Variants in ALG1 observed in about 807,000 individuals in gnomAD.
ALG1 encodes chitobiosyldiphosphodolichol beta-mannosyltransferase.
In ALG1, 58 loss-of-function variants were observed where a neutral mutation model predicts 55.1. The ratio of observed to expected loss-of-function variants is 1.05; its 90% CI spans 0.85 to 1.31. The LOEUF (loss-of-function observed/expected upper bound fraction) is 1.31. ALG1 is among the 50% of genes most tolerant of loss of function. The pLI is 0.00. For synonymous variants in ALG1, 309 were observed against 247.0 expected (o/e 1.25, Z -2.35); for missense variants, 761 against 598.6 (o/e 1.27, Z -2.83).
rs1957055875 is a variant in ALG1, at chr16:5,083,592, C to T, written c.1188-90C>T. On this transcript the variant is annotated intron_variant, in intron 11 of 12. Coordinates refer to ENST00000262374, the MANE Select transcript of ALG1 (RefSeq NM_019109.5). ...GTTCCAACCCCCAGCCTGGCTTGAGCATGGGGTGTGTGGGGGAGCCCAGGT... is the reference window on the plus strand; with the variant it reads ...GTTCCAACCCCCAGCCTGGCTTGAGTATGGGGTGTGTGGGGGAGCCCAGGT... The T allele has an allele frequency of 1.3e-5, 20 of 1,592,960 alleles. No individual in the cohort carries two copies. In the South Asian group the frequency reaches 1.5e-4, roughly 12 times the overall value.
chr16:5,076,612 G>T (rs929953452), intron 4 of ALG1, among the ~76,000 whole-genome samples: 1 of 152,076 alleles, frequency 6.6e-6, no homozygotes, highest in Non-Finnish European at 1.5e-5. Flanking sequence ...ACCCAGAATC[G>T]CGCATGCCGT....
At position 5,081,070 on chromosome 16, in the gene ALG1, A is replaced by G. The variant is rs1320606156; in HGVS notation, c.1072+14A>G. 6.6e-6 allele frequency: 7 copies of G among 1,063,972 alleles called. No individual in the cohort carries two copies. The highest frequency in any genetic ancestry group is 9.2e-6 in the Non-Finnish European group (7 of 758,090). The allele number at this position is 1,063,972 out of a possible 1,614,324, so 65.9% of individuals were successfully genotyped here. ...CCCTGCTTCTAGGTGAGAGGCCAGCAGGAGGCTCAGGGAGGAGGCGGGGGG... is the reference window on the plus strand; with the variant it reads ...CCCTGCTTCTAGGTGAGAGGCCAGCGGGAGGCTCAGGGAGGAGGCGGGGGG... On this transcript the variant is annotated intron_variant, in intron 10 of 12. Transcript: ENST00000262374.
intron 3 of ALG1, among the ~76,000 whole-genome samples, chr16:5,074,785 A>C (rs1278924446): frequency 6.6e-6 from 1 of 152,096 alleles, no homozygotes; most frequent in African/African-American, 2.4e-5. Flanking sequence ...CTGTTGTTAG[A>C]CCTTTTTAGA....
chr16:5,083,778 G>C (rs201149498), intron 12 of ALG1, 21 bp downstream of exon 12: 8 of 1,597,590 alleles, frequency 5.0e-6, no homozygotes, highest in East Asian at 2.2e-5. Context: ...CTGCCACCAC[G>C]CCAGGGTGGG....
At chr16:5,076,839 G>C (rs1461378287) in intron 4 of ALG1, among the ~76,000 whole-genome samples, 1 of 133,808 alleles carries the variant, frequency 7.5e-6, no homozygotes, top group African/African-American at 2.9e-5. Flanking sequence ...CTATGTCCCA[G>C]ACTGGAGTGC....
rs376062732 is a variant in ALG1, at chr16:5,073,043, A to G, written c.286+15A>G. The G allele has an allele frequency of 1.2e-6, 2 of 1,613,566 alleles. No individual in the cohort carries two copies. Among genetic ancestry groups the G allele is most frequent in the Non-Finnish European group, 1.7e-6 (2 of 1,179,646 alleles). ...GAGTCTTGCAGGTAGGATGCCGTCA[A>G]CTCCAGAATCCTCTGAATCCATGGG... On this transcript the variant is annotated intron_variant, in intron 2 of 12. Coordinates refer to ENST00000262374, the MANE Select transcript of ALG1 (RefSeq NM_019109.5).
chr16:5,077,628 G>A, intron 5 of ALG1, 94 bp downstream of exon 5: 2 of 1,336,000 alleles, frequency 1.5e-6, no homozygotes, highest in Non-Finnish European at 2.1e-6. Flanking sequence ...GTCCTGCTGA[G>A]GGGCAATTTG....
rs1200862189 is a variant in ALG1, at chr16:5,077,893, T to C, written c.630-14T>C. ...TTCAGCCCTCCCAATAGCCCCGTCATGATTTCATTGCAGGGCTGTGACCGT... is the reference window on the plus strand; with the variant it reads ...TTCAGCCCTCCCAATAGCCCCGTCACGATTTCATTGCAGGGCTGTGACCGT... On this transcript the variant is annotated splice_polypyrimidine_tract_variant and intron_variant, in intron 5 of 12. Transcript: ENST00000262374. The C allele has an allele frequency of 3.7e-6, 6 of 1,607,344 alleles. No homozygotes were observed. The highest frequency in any genetic ancestry group is 5.1e-6 in the Non-Finnish European group (6 of 1,179,636).
At chr16:5,079,967 C>G (rs2039717750) in intron 9 of ALG1, among the ~76,000 whole-genome samples, 160 bp downstream of exon 9, 1 of 151,958 alleles carries the variant, frequency 6.6e-6, no homozygotes, top group Admixed American at 6.6e-5. Context: ...AACTGAGGCT[C>G]AGAGGCAGGG....
At chr16:5,084,531 G>C in intron 12 of ALG1, 1 of 740,820 alleles carries the variant, frequency 1.3e-6, no homozygotes, top group Non-Finnish European at 2.2e-6. Context: ...AGGGCACCAA[G>C]TGTGGGAAAG....
At chr16:5,080,817 C>G (rs1567170538) in intron 9 of ALG1, 129 bp from the exon 10 acceptor site, 1 of 1,314,884 alleles carries the variant, frequency 7.6e-7, no homozygotes, top group Non-Finnish European at 1.1e-6. Flanking sequence ...CGGATGGGGC[C>G]TGACTGGAGC....
At chr16:5,082,373 T>A (rs962018284) in intron 10 of ALG1, among the ~76,000 whole-genome samples, 186 bp from the exon 11 acceptor site, 4 of 152,210 alleles carry the variant, frequency 2.6e-5, no homozygotes, top group African/African-American at 9.7e-5. Context: ...AAGTGTCAAC[T>A]TACATTTTCA....
intron 3 of ALG1, among the ~76,000 whole-genome samples, chr16:5,075,149 C>T (rs919882952): frequency 2.0e-5 from 3 of 152,330 alleles, no homozygotes; most frequent in South Asian, 4.1e-4. Flanking sequence ...AATGATCCTC[C>T]TGCCTTGGCC....
intron 3 of ALG1, among the ~76,000 whole-genome samples, chr16:5,074,121 T>C (rs1956867524): frequency 6.6e-6 from 1 of 152,082 alleles, no homozygotes; most frequent in Non-Finnish European, 1.5e-5. Context: ...CAATTTTTAA[T>C]ATATAGAAGC....
In ALG1 at chr16:5,086,636, A is replaced by G. The variant is rs1193591789; in HGVS notation, c.*1755A>G. The G allele has an allele frequency of 6.6e-6, 1 of 151,756 alleles. No individual in the cohort carries two copies. The highest frequency in any genetic ancestry group is 1.5e-5 in the Non-Finnish European group (1 of 67,968). The allele number at this position is 151,756 out of a possible 1,614,324, so 9.4% of individuals were successfully genotyped here. A position where few individuals can be genotyped will look rare whatever the true frequency, so the allele number is the denominator to read the frequency against. On this transcript the variant is annotated 3_prime_UTR_variant, in exon 13 of 13. Transcript: ENST00000262374. ...TTTATTTTGTAGAGATGGGGTCCTG[A>G]ACGCATGGCCTCAAGTGATGCTCCT...
Position 5,081,020 on chromosome 16 carries a change from C to A in ALG1, c.1036C>A (p.Pro346Thr), listed in dbSNP as rs143676440. ...CTTCCAGCACATCCAGGTCTGCACC[C>A]CCTGGCTGGAGGCCGAGGACTACCC... is the stretch of plus-strand genomic sequence containing the variant. ...KHFQHIQVCT[P>T]WLEAEDYPLL... Residue 346 changes from proline to threonine, a missense_variant, in exon 10 of 13, where the codon CCC (proline) becomes ACC (threonine). Pro to Thr is a conservative substitution (Grantham distance 38). Transcript: ENST00000262374. The A allele has an allele frequency of 3.8e-5, 60 of 1,596,272 alleles. No homozygotes were observed. In the African/African-American group the frequency reaches 8.0e-4, roughly 21 times the overall value.
chr16:5,078,738 T>C lies in ALG1; in HGVS notation c.741-19T>C. On this transcript the variant is annotated intron_variant, in intron 6 of 12. Coordinates refer to ENST00000262374, the MANE Select transcript of ALG1 (RefSeq NM_019109.5). ...GCCTGCTCTATGGCCTCTCACAGGCTTTTTTTCTGCTCCTTCAGCTCAGAA... is the reference window on the plus strand; with the variant it reads ...GCCTGCTCTATGGCCTCTCACAGGCCTTTTTTCTGCTCCTTCAGCTCAGAA... 6.2e-7 allele frequency: 1 copy of C among 1,612,510 alleles called. No individual in the cohort carries two copies. Among genetic ancestry groups the C allele is most frequent in the African/African-American group, 1.3e-5 (1 of 74,952 alleles).
At chr16:5,078,086 C>T (rs1164082055) in intron 6 of ALG1, 69 bp downstream of exon 6, 5 of 1,543,244 alleles carry the variant, frequency 3.2e-6, no homozygotes, top group Non-Finnish European at 4.4e-6. Flanking sequence ...CTTCTCACTG[C>T]AGACCTGGGA....
In ALG1 at chr16:5,085,002, C is replaced by T; in HGVS notation, c.*121C>T. The T allele has an allele frequency of 1.9e-6, 3 of 1,541,420 alleles. No individual in the cohort carries two copies. The highest frequency in any genetic ancestry group is 2.7e-6 in the Non-Finnish European group (3 of 1,131,764). On this transcript the variant is annotated 3_prime_UTR_variant, in exon 13 of 13. Coordinates refer to ENST00000262374, the MANE Select transcript of ALG1 (RefSeq NM_019109.5). The stretch of plus-strand genomic sequence containing the variant: ...CAGTGGCCAGAAGCTGAAATGACAG[C>T]AGTGGTACTGCCTGGTAAAAGAATT...
Sources: gnomAD v4.1 joint callset for allele counts (sites outside exome capture counted in the v4.1 genomes callset) on GRCh38, gnomAD v4.1.1 for gene constraint, MANE v1.5 for transcripts, NCBI Gene and HGNC (gene_info 2026-07-23, HGNC 2026-07-21) for gene names.